Variants in PTPRD observed in about 807,000 individuals in gnomAD.
The protein encoded by PTPRD is receptor-type tyrosine-protein phosphatase delta.
A neutral mutation model predicts 214.5 loss-of-function variants in PTPRD; 34 were observed. That is an observed-to-expected ratio of 0.16 (90% CI 0.12 to 0.21). The LOEUF is 0.21. PTPRD is among the 10% of genes least tolerant of loss of function. The pLI is 1.00. For synonymous variants in PTPRD, 1,128 were observed against 845.7 expected, an observed-to-expected ratio of 1.33 and a Z score of -5.79; for missense variants, 2,545 against 2,398.7, an observed-to-expected ratio of 1.06 and a Z score of -1.27.
intron 3 of PTPRD, among the ~76,000 whole-genome samples, chr9:10,185,521 T>C (rs912508755): frequency 3.9e-5 from 6 of 152,168 alleles, no homozygotes; most frequent in Non-Finnish European, 8.8e-5. Flanking sequence ...AATCCTCACA[T>C]AATCCTTAGG....
chr9:9,534,602 C>A (rs540782342), intron 8 of PTPRD, among the ~76,000 whole-genome samples: 1 of 152,096 alleles, frequency 6.6e-6, no homozygotes, highest in African/African-American at 2.4e-5. Context: ...TTGTAAGACA[C>A]CACGTTTTAT....
chr9:8,960,160 T>C (rs1340446391), intron 11 of PTPRD, among the ~76,000 whole-genome samples: 1 of 152,096 alleles, frequency 6.6e-6, no homozygotes, highest in African/African-American at 2.4e-5. Context: ...ATTTCCTTCT[T>C]TGTACAATGG....
At chr9:9,955,154 T>C (rs553852528) in intron 4 of PTPRD, among the ~76,000 whole-genome samples, 1 of 152,144 alleles carries the variant, frequency 6.6e-6, no homozygotes, top group Non-Finnish European at 1.5e-5. Flanking sequence ...TCCTCTTAAG[T>C]AAGCACTGTC....
intron 11 of PTPRD, among the ~76,000 whole-genome samples, chr9:8,856,581 A>C (rs1256036241): frequency 1.3e-5 from 2 of 152,212 alleles, no homozygotes; most frequent in Non-Finnish European, 2.9e-5. Flanking sequence ...AAGGAGAACG[A>C]GCCCTCAGGA....
intron 8 of PTPRD, among the ~76,000 whole-genome samples, chr9:9,420,900 A>T (rs2078568997): frequency 6.6e-6 from 1 of 151,850 alleles, no homozygotes; most frequent in Admixed American, 6.6e-5. Flanking sequence ...AAAATATTTG[A>T]CCAGTCCTTA....
At chr9:10,294,343 G>T (rs1331029100) in intron 3 of PTPRD, among the ~76,000 whole-genome samples, 1 of 151,840 alleles carries the variant, frequency 6.6e-6, no homozygotes, top group Non-Finnish European at 1.5e-5. Flanking sequence ...ATCTAATTTG[G>T]AAAAGGCAAA....
chr9:8,777,480 C>T (rs917362303), intron 11 of PTPRD, among the ~76,000 whole-genome samples: 2 of 152,090 alleles, frequency 1.3e-5, no homozygotes, highest in African/African-American at 2.4e-5. Flanking sequence ...AATATAAAGA[C>T]AATTTTGTGG....
chr9:10,056,880 T>C (rs1396906), intron 3 of PTPRD, among the ~76,000 whole-genome samples: 32,476 of 152,094 alleles, frequency 0.21, 4,112 homozygotes, highest in East Asian at 0.51. Flanking sequence ...ACAATCCATC[T>C]TAAAATTTAT....
chr9:10,463,496 AC>A (rs1254275177), intron 2 of PTPRD, among the ~76,000 whole-genome samples: 2 of 152,188 alleles, frequency 1.3e-5, no homozygotes, highest in East Asian at 3.8e-4. Context: ...ATAACTCTTT[AC>A]AAAAAGATTT....
At chr9:10,574,059 G>A (rs935575038) in intron 2 of PTPRD, among the ~76,000 whole-genome samples, 5 of 151,970 alleles carry the variant, frequency 3.3e-5, no homozygotes, top group Non-Finnish European at 5.9e-5. Flanking sequence ...GTAACCTGAG[G>A]TATATAATCC....
In PTPRD at chr9:8,460,489, CCTT is replaced by C; in HGVS notation, c.3794_3796del (p.Glu1265del). 3 of 1,613,554 alleles carry C rather than the reference CCTT, an allele frequency of 1.9e-6. No homozygotes were observed. Among genetic ancestry groups the C allele is most frequent in the Non-Finnish European group, 1.7e-6 (2 of 1,179,670 alleles). ...GACAGGACCTACAACCCAGATCAAGCCTTCTTCTTCATCCGTGATTGGCTGCGG... is the reference window on the plus strand; with the variant it reads ...GACAGGACCTACAACCCAGATCAAGCCTTCTTCATCCGTGATTGGCTGCGG... On this transcript the variant is annotated inframe_deletion, in exon 33 of 46. Coordinates refer to ENST00000381196, the MANE Select transcript of PTPRD (RefSeq NM_002839.4).
Position 8,485,848 on chromosome 9 carries a change from T to A in PTPRD, c.2969A>T (p.Tyr990Phe), listed in dbSNP as rs2135913773. The A allele has an allele frequency of 1.2e-6, 2 of 1,614,118 alleles. No homozygotes were observed. The highest frequency in any genetic ancestry group is 1.7e-6 in the Non-Finnish European group (2 of 1,180,010). ...TLTGLKPDTT[Y>F]DVKVRAHTSK... The stretch of plus-strand genomic sequence containing the variant: ...CGTATGAGCACGTACTTTTACATCG[T>A]ATGTGGTATCTGGTTTTAAGCCAGT... Residue 990 changes from tyrosine to phenylalanine, a missense_variant, in exon 28 of 46, where the codon TAC (tyrosine) becomes TTC (phenylalanine). By Grantham distance (22) the Tyr-to-Phe change is conservative. Coordinates refer to ENST00000381196, the MANE Select transcript of PTPRD (RefSeq NM_002839.4).
intron 2 of PTPRD, among the ~76,000 whole-genome samples, chr9:10,422,992 A>G (rs2098559334): frequency 6.6e-6 from 1 of 152,114 alleles, no homozygotes; most frequent in South Asian, 2.1e-4. Context: ...GCCACTATAA[A>G]GACACATGCA....
rs186542778 is a variant in PTPRD, at chr9:10,565,673, C to T, written c.-600+46725G>A. Reference sequence around the variant, plus strand: ...GGCTTCCTTTCTTACCAATCCCTAACTTATACCCAGTATAGCAACCTAGCT... The same window carrying T: ...GGCTTCCTTTCTTACCAATCCCTAATTTATACCCAGTATAGCAACCTAGCT... On this transcript the variant is annotated intron_variant, in intron 2 of 45. Coordinates refer to ENST00000381196, the MANE Select transcript of PTPRD (RefSeq NM_002839.4). 2.2e-4 allele frequency among the ~76,000 whole-genome samples: 33 copies of T among 152,222 alleles called. No homozygotes were observed. In the East Asian group the frequency reaches 5.2e-3, roughly 24 times the overall value.
intron 12 of PTPRD, among the ~76,000 whole-genome samples, chr9:8,715,684 G>C (rs529816280): frequency 3.3e-5 from 5 of 152,114 alleles, no homozygotes; most frequent in Admixed American, 3.3e-4. Context: ...TCATTCCTCA[G>C]GGCCTCTTAA....
intron 9 of PTPRD, among the ~76,000 whole-genome samples, chr9:9,192,327 G>A (rs1209318900): frequency 6.6e-6 from 1 of 152,092 alleles, no homozygotes; most frequent in Non-Finnish European, 1.5e-5. Context: ...TCTTCCACTA[G>A]CTATCTTGTG....
chr9:8,504,500 A>G, intron 22 of PTPRD, 95 bp from the exon 23 acceptor site: 1 of 1,369,066 alleles, frequency 7.3e-7, no homozygotes, highest in East Asian at 2.3e-5. Context: ...TATCATCAGG[A>G]TTATAATCTC....
At chr9:9,609,454 T>C (rs951737300) in intron 7 of PTPRD, among the ~76,000 whole-genome samples, 22 of 151,932 alleles carry the variant, frequency 1.4e-4, no homozygotes, top group African/African-American at 5.3e-4. Context: ...AATGTGAAGG[T>C]GTTTTTTGTT....
At chr9:10,426,740 C>T (rs939436701) in intron 2 of PTPRD, among the ~76,000 whole-genome samples, 1 of 152,016 alleles carries the variant, frequency 6.6e-6, no homozygotes, top group African/African-American at 2.4e-5. Context: ...AGTTTTTTTG[C>T]AGAGGCAGAG....
Sources: allele counts gnomAD v4.1 joint callset (sites outside exome capture counted in the v4.1 genomes callset), GRCh38; gene constraint gnomAD v4.1.1; transcripts MANE v1.5; gene names NCBI Gene and HGNC (gene_info 2026-07-23, HGNC 2026-07-21).